The following DOCK7 variants were observed in gnomAD, a reference collection of about 807,000 sequenced individuals.
DOCK7 encodes dedicator of cytokinesis protein 7.
In DOCK7, 138 loss-of-function variants were observed where a neutral mutation model predicts 271.0. The ratio of observed to expected loss-of-function variants is 0.51; its 90% CI spans 0.44 to 0.59. The LOEUF is 0.59. DOCK7 is among the 20% of genes least tolerant of loss of function. The pLI is 0.00. For synonymous variants in DOCK7, 823 were observed against 876.1 expected (o/e 0.94, Z 1.07); for missense variants, 2,066 against 2,592.4 (o/e 0.80, Z 4.41).
intron 48 of DOCK7, 26 bp from the exon 49 acceptor site, chr1:62,457,731 A>G (rs1413559990): frequency 1.9e-6 from 3 of 1,605,498 alleles, no homozygotes; most frequent in East Asian, 2.2e-5. Flanking sequence ...TGTTATCAAG[A>G]TATTACTTCT....
chr1:62,564,741 C>CA lies in DOCK7; in HGVS notation c.2113-3039dup, dbSNP rs201505412. On this transcript the variant is annotated intron_variant, in intron 18 of 49. Coordinates refer to ENST00000635253, the MANE Select transcript of DOCK7 (RefSeq NM_001367561.1). ...GGAGATAGAGTCATGAAAAACCCTT[C>CA]AAAAAAATCAATGAATCCAGGAGCT... 3.5e-3 allele frequency among the ~76,000 whole-genome samples: 534 copies of CA among 151,942 alleles called. 2 individuals carry two copies. The highest frequency in any genetic ancestry group is 0.011 in the African/African-American group (457 of 41,452).
At chr1:62,522,510 C>T (rs529728504) in intron 31 of DOCK7, among the ~76,000 whole-genome samples, 60 of 151,970 alleles carry the variant, frequency 3.9e-4, no homozygotes, top group Non-Finnish European at 3.8e-4. Context: ...AAACAAAATG[C>T]TTAGTAAACT....
chr1:62,617,088 C>G lies in DOCK7; in HGVS notation c.1682+1618G>C, dbSNP rs549529540. 2.0e-5 allele frequency among the ~76,000 whole-genome samples: 3 copies of G among 146,534 alleles called. No individual in the cohort carries two copies. In the East Asian group the frequency reaches 5.9e-4, roughly 29 times the overall value. ...GGAAAATACATGAAAAATAAGGACTCTATTGCAAAAAAAAAAAAAAATGCA... is the reference window on the plus strand; with the variant it reads ...GGAAAATACATGAAAAATAAGGACTGTATTGCAAAAAAAAAAAAAAATGCA... On this transcript the variant is annotated intron_variant, in intron 14 of 49. Transcript: ENST00000635253.
chr1:62,528,010 T>C (rs1645064299), intron 31 of DOCK7, 141 bp downstream of exon 31: 1 of 878,956 alleles, frequency 1.1e-6, no homozygotes, highest in Non-Finnish European at 1.6e-6. Context: ...ACAGTTAATA[T>C]TCTGGGAACT....
At chr1:62,511,425 G>C (rs1021829762) in intron 33 of DOCK7, 2 of 152,098 alleles carry the variant, frequency 1.3e-5, no homozygotes, top group African/African-American at 4.8e-5. Flanking sequence ...TTTAAACAAT[G>C]GACTCAGTCA....
intron 27 of DOCK7, among the ~76,000 whole-genome samples, chr1:62,538,685 T>G (rs1026993121): frequency 6.6e-6 from 1 of 152,162 alleles, no homozygotes; most frequent in Non-Finnish European, 1.5e-5. Context: ...AACTTTTCTA[T>G]TAGAAGAAAT....
intron 1 of DOCK7, among the ~76,000 whole-genome samples, chr1:62,677,874 TA>T (rs1317741843): frequency 2.6e-5 from 4 of 152,360 alleles, no homozygotes; most frequent in African/African-American, 9.6e-5. Flanking sequence ...CTCATGCCTG[TA>T]ATCCCAGCAT....
At chr1:62,481,641 C>G (rs1295978353) in intron 43 of DOCK7, 1 of 152,164 alleles carries the variant, frequency 6.6e-6, no homozygotes, top group Admixed American at 6.5e-5. Flanking sequence ...CTTTCTATCA[C>G]TCCTCACAAT....
chr1:62,526,303 G>A (rs1284330249), intron 31 of DOCK7, among the ~76,000 whole-genome samples: 1 of 152,064 alleles, frequency 6.6e-6, no homozygotes, highest in Non-Finnish European at 1.5e-5. Flanking sequence ...GTGCCAATAA[G>A]CACACAAAAA....
At chr1:62,554,659 A>G (rs1025624333) in intron 21 of DOCK7, among the ~76,000 whole-genome samples, 2 of 152,146 alleles carry the variant, frequency 1.3e-5, no homozygotes, top group African/African-American at 4.8e-5. Flanking sequence ...CCTGTTGCCT[A>G]ATTAATTCAT....
chr1:62,610,863 T>C (rs1257378942), intron 14 of DOCK7, among the ~76,000 whole-genome samples: 2 of 152,224 alleles, frequency 1.3e-5, no homozygotes, highest in Non-Finnish European at 2.9e-5. Flanking sequence ...AGTCTATCAT[T>C]GATGGGCATT....
intron 46 of DOCK7, 37 bp from the exon 47 acceptor site, chr1:62,475,388 C>T: frequency 6.3e-7 from 1 of 1,587,122 alleles, no homozygotes; most frequent in Non-Finnish European, 8.6e-7. Context: ...AGTGTACTGA[C>T]TGAAAACTAT....
chr1:62,646,072 G>A (rs532237499), intron 7 of DOCK7, among the ~76,000 whole-genome samples: 18 of 151,610 alleles, frequency 1.2e-4, no homozygotes, highest in South Asian at 2.1e-4. Flanking sequence ...GCTTGAACCC[G>A]GGAGGCGGAG....
intron 1 of DOCK7, among the ~76,000 whole-genome samples, chr1:62,675,861 C>A (rs1041168232): frequency 2.0e-5 from 3 of 151,882 alleles, no homozygotes; most frequent in African/African-American, 7.3e-5. Flanking sequence ...TTCACACTCA[C>A]CAGAATGTCT....
At chr1:62,579,780 A>G (rs1028937545) in intron 16 of DOCK7, among the ~76,000 whole-genome samples, 64 of 151,982 alleles carry the variant, frequency 4.2e-4, no homozygotes, top group African/African-American at 1.5e-3. Context: ...AAATAAAAAA[A>G]GTTACCTAAA....
At chr1:62,537,452 G>C (rs1645381626) in intron 28 of DOCK7, among the ~76,000 whole-genome samples, 1 of 152,056 alleles carries the variant, frequency 6.6e-6, no homozygotes, top group African/African-American at 2.4e-5. Context: ...TGGGCATAGT[G>C]GCGCACGTCT....
rs867087627 is a variant in DOCK7 at position 62,620,072 on chromosome 1, C to T, written c.1426-79G>A. On this transcript the variant is annotated intron_variant, in intron 12 of 49. Coordinates refer to ENST00000635253, the MANE Select transcript of DOCK7 (RefSeq NM_001367561.1). ...CAGTGGCTCACGCCTGTAATCCTAG[C>T]ACTTTGGGAGGCTGAGGCGGGCGGA... The T allele has an allele frequency of 2.8e-5, 33 of 1,166,424 alleles. No individual in the cohort carries two copies. In the Middle Eastern group the frequency reaches 2.7e-3, roughly 94 times the overall value. The allele number at this position is 1,166,424 out of a possible 1,614,324, so 72.3% of individuals were successfully genotyped here.
At chr1:62,469,622 C>T (rs532157394) in intron 48 of DOCK7, among the ~76,000 whole-genome samples, 3 of 152,140 alleles carry the variant, frequency 2.0e-5, no homozygotes, top group African/African-American at 7.2e-5. Context: ...GCAGAGTAAA[C>T]AGACAACCCA....
At chr1:62,545,211 T>C (rs1310030972) in intron 22 of DOCK7, among the ~76,000 whole-genome samples, 172 bp from the exon 23 acceptor site, 2 of 152,172 alleles carry the variant, frequency 1.3e-5, no homozygotes, top group Non-Finnish European at 2.9e-5. Context: ...CAAAATTATC[T>C]TATTATATAA....
Sources: gnomAD v4.1 joint callset for allele counts (sites outside exome capture counted in the v4.1 genomes callset) on GRCh38, gnomAD v4.1.1 for gene constraint, MANE v1.5 for transcripts, NCBI Gene and HGNC (gene_info 2026-07-23, HGNC 2026-07-21) for gene names.